Variants in CHIC2 observed in about 807,000 individuals in gnomAD.
CHIC2 encodes the protein cysteine rich hydrophobic domain 2.
A neutral mutation model predicts 25.9 loss-of-function variants in CHIC2; 14 were observed. That is an observed-to-expected ratio of 0.54 (90% confidence interval 0.36 to 0.85). The LOEUF (loss-of-function observed/expected upper bound fraction) is 0.85. Among genes scored for constraint, CHIC2 ranks in the 40% least tolerant of loss-of-function variants. CHIC2 has a pLI of 0.01. For synonymous variants in CHIC2, 70 were observed against 72.0 expected, an observed-to-expected ratio of 0.97 and a Z score of 0.14; for missense variants, 146 against 202.0, an observed-to-expected ratio of 0.72 and a Z score of 1.68.
At chr4:54,090,519 T>C in the CHIC2 span, among the ~76,000 whole-genome samples, 57,229 of 151,908 alleles carry the variant, frequency 0.38, 11,116 homozygotes, top group African/African-American at 0.46. Flanking sequence ...ATCCCTTAAA[T>C]TTTGTAGCTC....
rs1716394476 is a variant in CHIC2 at position 54,036,663 on chromosome 4, A to G, written c.330+12292T>C. ...CCCAACTCTTTAAAAGACTATACTA[A>G]ATGTTGACAAGTATGTAGCAGAACA... On this transcript the variant is annotated intron_variant, in intron 3 of 5. Coordinates refer to ENST00000263921, the MANE Select transcript of CHIC2 (RefSeq NM_012110.4). 2.0e-5 allele frequency among the ~76,000 whole-genome samples: 3 copies of G among 152,126 alleles called. No individual in the cohort carries two copies. In the South Asian group the frequency reaches 6.2e-4, roughly 32 times the overall value.
At chr4:54,043,497 T>C (rs1490765922) in intron 3 of CHIC2, among the ~76,000 whole-genome samples, 1 of 151,270 alleles carries the variant, frequency 6.6e-6, no homozygotes, top group Non-Finnish European at 1.5e-5. Flanking sequence ...GGGGCCAATA[T>C]TCAACATTCT....
intron 3 of CHIC2, among the ~76,000 whole-genome samples, chr4:54,044,661 A>T (rs1448950913): frequency 6.6e-6 from 1 of 152,164 alleles, no homozygotes; most frequent in Admixed American, 6.5e-5. Flanking sequence ...TGTAGAGGGA[A>T]ATTTATAGCA....
intron 3 of CHIC2, among the ~76,000 whole-genome samples, chr4:54,032,037 A>T (rs1477506950): frequency 6.6e-6 from 1 of 152,112 alleles, no homozygotes; most frequent in African/African-American, 2.4e-5. Flanking sequence ...TAGCCACCAC[A>T]TGTTACAGGC....
At chr4:54,079,783 A>C in the CHIC2 span, among the ~76,000 whole-genome samples, 127 of 152,160 alleles carry the variant, frequency 8.3e-4, no homozygotes, top group African/African-American at 2.9e-3. Context: ...CAGAAATAAA[A>C]AAAAACAAAT....
Position 54,064,500 on chromosome 4 carries a change from C to T in CHIC2, c.-200G>A. ...GTCGCCGCCACCGCCGCCGCCATTA[C>T]CATCAGCAATAACAACAACACAATG... On this transcript the variant is annotated 5_prime_UTR_variant, in exon 1 of 6. Transcript: ENST00000263921. The surrounding 1 kb of genome is among the most constrained non-coding windows in gnomAD (Gnocchi z 4.2). 2 of 1,437,026 alleles carry T rather than the reference C, an allele frequency of 1.4e-6. No homozygotes were observed. Among genetic ancestry groups the T allele is most frequent in the Non-Finnish European group, 1.8e-6 (2 of 1,103,422 alleles). The allele number at this position is 1,437,026 out of a possible 1,614,324, so 89.0% of individuals were successfully genotyped here.
chr4:54,015,596 A>G (rs1395173531), intron 3 of CHIC2, among the ~76,000 whole-genome samples: 1 of 152,134 alleles, frequency 6.6e-6, no homozygotes, highest in African/African-American at 2.4e-5. Flanking sequence ...TTGCCATCTG[A>G]ATGCTGAAGG....
the CHIC2 span, among the ~76,000 whole-genome samples, chr4:54,080,288 C>A: frequency 6.6e-6 from 1 of 150,516 alleles, no homozygotes; most frequent in East Asian, 1.9e-4. Context: ...ATAAGACAGA[C>A]AAAGAAAGAC....
chr4:54,076,120 C>T, the CHIC2 span, among the ~76,000 whole-genome samples: 1 of 151,876 alleles, frequency 6.6e-6, no homozygotes, highest in Non-Finnish European at 1.5e-5. Context: ...GATCTTGTCT[C>T]TACTAAAAAT....
the CHIC2 span, among the ~76,000 whole-genome samples, chr4:54,086,572 C>A: frequency 3.3e-5 from 5 of 152,032 alleles, no homozygotes; most frequent in South Asian, 1.0e-3. Context: ...TATTATGTAG[C>A]ATATAGTTGG....
chr4:54,048,728 C>T (rs1464664413), intron 3 of CHIC2: 5 of 350,080 alleles, frequency 1.4e-5, no homozygotes, highest in African/African-American at 8.5e-5. Context: ...CAATGCCATA[C>T]ACTACTCCTT....
At chr4:54,047,918 A>T (rs1382610352) in intron 3 of CHIC2, among the ~76,000 whole-genome samples, 1 of 152,078 alleles carries the variant, frequency 6.6e-6, no homozygotes, top group African/African-American at 2.4e-5. Flanking sequence ...ACAATTTTTG[A>T]AAATTTTAAC....
chr4:54,043,420 CAA>C (rs902677237), intron 3 of CHIC2, among the ~76,000 whole-genome samples: 8 of 55,840 alleles, frequency 1.4e-4, no homozygotes, highest in Admixed American at 2.0e-4. Context: ...GACTCCATTT[CAA>C]AAAAAAAAAA....
the CHIC2 span, among the ~76,000 whole-genome samples, chr4:54,080,942 GTATATATATATATATATATATATATATA>G: frequency 2.1e-4 from 21 of 101,126 alleles, 1 homozygote; most frequent in South Asian, 1.2e-3. Flanking sequence ...ATGTGTGTGT[GTATATATATATATATATATATATATATA>G]TATATATATA....
intron 1 of CHIC2, among the ~76,000 whole-genome samples, chr4:54,062,922 G>A (rs1717380836): frequency 6.6e-6 from 1 of 152,176 alleles, no homozygotes; most frequent in Non-Finnish European, 1.5e-5. Flanking sequence ...TTATTGTGGT[G>A]AATTAAATTC....
chr4:54,026,612 C>T (rs987231466), intron 3 of CHIC2, among the ~76,000 whole-genome samples: 1 of 152,110 alleles, frequency 6.6e-6, no homozygotes, highest in Non-Finnish European at 1.5e-5. Context: ...AAAGGAATGG[C>T]CCTAGTATCC....
intron 3 of CHIC2, among the ~76,000 whole-genome samples, chr4:54,028,098 A>G (rs1251903303): frequency 6.6e-6 from 1 of 152,188 alleles, no homozygotes; most frequent in Non-Finnish European, 1.5e-5. Context: ...AAGAAAAAAT[A>G]CTTACAAAGA....
chr4:54,013,073 T>G (rs2110058096), intron 5 of CHIC2, among the ~76,000 whole-genome samples: 1 of 152,250 alleles, frequency 6.6e-6, no homozygotes, highest in East Asian at 1.9e-4. Flanking sequence ...TATTAACTTT[T>G]CCTTAGATCT....
intron 5 of CHIC2, among the ~76,000 whole-genome samples, chr4:54,013,162 T>C (rs1560379875): frequency 6.6e-6 from 1 of 152,130 alleles, no homozygotes; most frequent in East Asian, 1.9e-4. Flanking sequence ...CTTAATTTTC[T>C]AGAGTATTCT....
Sources: allele counts gnomAD v4.1 joint callset (sites outside exome capture counted in the v4.1 genomes callset), GRCh38; gene constraint gnomAD v4.1.1; non-coding constraint Gnocchi (gnomAD v3.1); transcripts MANE v1.5; gene names NCBI Gene and HGNC (gene_info 2026-07-23, HGNC 2026-07-21).